The following CHN2 variants were observed in gnomAD, a reference collection of about 807,000 sequenced individuals.
The protein encoded by CHN2 is chimerin 2.
Under a neutral mutation model 56.3 loss-of-function variants are expected in CHN2, and 35 were observed. The ratio of observed to expected loss-of-function variants is 0.62; its 90% CI spans 0.47 to 0.82. The LOEUF is 0.82. Ranked by LOEUF, CHN2 falls within the 40% of genes least tolerant of loss-of-function variation. The pLI is 0.00. For synonymous variants in CHN2, 210 were observed against 212.8 expected (o/e 0.99, Z 0.12); for missense variants, 491 against 580.5 (o/e 0.85, Z 1.58).
chr7:29,234,540 G>A (rs1190143548), intron 1 of CHN2, among the ~76,000 whole-genome samples: 1 of 152,154 alleles, frequency 6.6e-6, no homozygotes, highest in Non-Finnish European at 1.5e-5. Context: ...GGTTTTAATG[G>A]TGAGCATAGG....
intron 6 of CHN2, among the ~76,000 whole-genome samples, chr7:29,463,474 G>T (rs958483226): frequency 6.6e-6 from 1 of 152,146 alleles, no homozygotes; most frequent in African/African-American, 2.4e-5. Context: ...CTCGGCTTTT[G>T]TGCTTTTACC....
intron 6 of CHN2, among the ~76,000 whole-genome samples, chr7:29,437,926 G>A (rs1163123549): frequency 6.6e-6 from 1 of 152,158 alleles, no homozygotes; most frequent in Non-Finnish European, 1.5e-5. Context: ...TGGCTGAAGA[G>A]CTTTAAGAAC....
intron 1 of CHN2, among the ~76,000 whole-genome samples, chr7:29,353,631 C>CA (rs1050295306): frequency 7.0e-4 from 105 of 149,856 alleles, no homozygotes; most frequent in African/African-American, 2.4e-3. Flanking sequence ...GACTCTGTCT[C>CA]AAAAAAAAAG....
intron 6 of CHN2, among the ~76,000 whole-genome samples, chr7:29,417,996 A>C (rs935010089): frequency 3.9e-5 from 6 of 152,204 alleles, no homozygotes; most frequent in Admixed American, 1.3e-4. Context: ...AATCTGTAGA[A>C]TAGCACACCC....
intron 6 of CHN2, among the ~76,000 whole-genome samples, chr7:29,476,045 A>G (rs879019701): frequency 4.6e-5 from 7 of 152,224 alleles, no homozygotes; most frequent in Non-Finnish European, 1.5e-5. Context: ...TGTTAAGTGT[A>G]GTAGAAGGAA....
chr7:29,416,246 G>A (rs1803730089), intron 6 of CHN2, among the ~76,000 whole-genome samples: 1 of 151,944 alleles, frequency 6.6e-6, no homozygotes, highest in Admixed American at 6.5e-5. Context: ...GAAAAGCTGT[G>A]GACTTCAAAT....
chr7:29,292,698 C>T (rs764575731), intron 1 of CHN2: 2 of 315,506 alleles, frequency 6.3e-6, no homozygotes, highest in Non-Finnish European at 1.3e-5. Flanking sequence ...ATTTTTGTTT[C>T]AATGCTGTAA....
intron 2 of CHN2, among the ~76,000 whole-genome samples, chr7:29,164,045 A>T (rs1177443303): frequency 1.3e-5 from 2 of 152,246 alleles, no homozygotes; most frequent in African/African-American, 4.8e-5. Context: ...AGGTTGACAC[A>T]TATAGTAGAG....
chr7:29,476,370 C>A (rs1786584250), intron 6 of CHN2, among the ~76,000 whole-genome samples: 1 of 151,918 alleles, frequency 6.6e-6, no homozygotes, highest in Non-Finnish European at 1.5e-5. Flanking sequence ...AACCCCATCT[C>A]TACTAAAAAT....
At chr7:29,372,665 A>C (rs1442064640) in intron 3 of CHN2, among the ~76,000 whole-genome samples, 2 of 152,258 alleles carry the variant, frequency 1.3e-5, no homozygotes, top group Non-Finnish European at 2.9e-5. Context: ...AACTATTACT[A>C]ATAGCATATC....
chr7:29,381,201 C>T (rs978722742), intron 3 of CHN2, among the ~76,000 whole-genome samples: 1 of 152,114 alleles, frequency 6.6e-6, no homozygotes, highest in Non-Finnish European at 1.5e-5. Context: ...GATTCTCTGG[C>T]CCTGGTTGGG....
At position 29,273,357 on chromosome 7, in the gene CHN2, A is replaced by G. The variant is rs1273808313; in HGVS notation, c.49+78367A>G. 7.5e-3 allele frequency among the ~76,000 whole-genome samples: 574 copies of G among 76,044 alleles called. 15 individuals are homozygous for G. Among genetic ancestry groups the G allele is most frequent in the Non-Finnish European group, 1.0e-2 (390 of 39,040 alleles). The allele number at this position is 76,044 out of a possible 152,430, so 49.9% of individuals were successfully genotyped here. On this transcript the variant is annotated intron_variant, in intron 1 of 12. Transcript: ENST00000222792. ...TATATATATGTGTATATATATATAT[A>G]TATATATATATATATATATATATAT... is the stretch of plus-strand genomic sequence containing the variant.
chr7:29,422,484 CGGCCTCTCTCCCT>C (rs1200340228), intron 6 of CHN2, among the ~76,000 whole-genome samples: 1 of 152,224 alleles, frequency 6.6e-6, no homozygotes, highest in East Asian at 1.9e-4. Flanking sequence ...ATCTAATAGA[CGGCCTCTCTCCCT>C]GGCCACTCTC....
chr7:29,381,266 AG>A (rs535299880), intron 3 of CHN2, among the ~76,000 whole-genome samples: 69 of 152,236 alleles, frequency 4.5e-4, no homozygotes, highest in Non-Finnish European at 5.4e-4. Context: ...GCTTGATGGG[AG>A]AAAACATTCA....
rs192832391 is a variant in CHN2, at chr7:29,172,476, T to G, written c.274+25516T>G. On this transcript the variant is annotated intron_variant, in intron 2 of 6. Coordinates refer to the CHN2 transcript ENST00000439384. ...CACCCATTTATCATCCAAAAAAAAT[T>G]ATTAAAAATAACCAAGCCTTCAGAT... is the stretch of plus-strand genomic sequence containing the variant. Among the ~76,000 whole-genome samples, 429 of 152,318 alleles carry G rather than the reference T, an allele frequency of 2.8e-3. 2 individuals are homozygous for G. Among genetic ancestry groups the G allele is most frequent in the African/African-American group, 9.7e-3 (402 of 41,576 alleles).
intron 1 of CHN2, among the ~76,000 whole-genome samples, chr7:29,339,408 G>A (rs1585099770): frequency 1.3e-5 from 2 of 151,996 alleles, no homozygotes; most frequent in South Asian, 2.1e-4. Context: ...CTGAAACCCC[G>A]AGCTATGCCT....
At chr7:29,267,262 A>C (rs1274011109) in intron 1 of CHN2, among the ~76,000 whole-genome samples, 1 of 148,524 alleles carries the variant, frequency 6.7e-6, no homozygotes, top group East Asian at 2.0e-4. Flanking sequence ...AATTTTTTTG[A>C]GACAGAGTCT....
chr7:29,393,418 C>T (rs917655834), intron 3 of CHN2, among the ~76,000 whole-genome samples: 3 of 152,094 alleles, frequency 2.0e-5, no homozygotes, highest in African/African-American at 4.8e-5. Context: ...AAATAAGCAT[C>T]GCTTTGTTTT....
At chr7:29,218,263 C>G (rs1785491183) in intron 1 of CHN2, among the ~76,000 whole-genome samples, 1 of 151,372 alleles carries the variant, frequency 6.6e-6, no homozygotes, top group African/African-American at 2.4e-5. Context: ...TACCAGACAG[C>G]CAAAGTCATG....
Sources: gnomAD v4.1 joint callset for allele counts (sites outside exome capture counted in the v4.1 genomes callset) on GRCh38, gnomAD v4.1.1 for gene constraint, MANE v1.5 for transcripts, NCBI Gene and HGNC (gene_info 2026-07-23, HGNC 2026-07-21) for gene names.